Variants in PTPRQ observed in about 807,000 individuals in gnomAD.
The protein encoded by PTPRQ is protein tyrosine phosphatase receptor type Q.
A neutral mutation model predicts 246.0 loss-of-function variants in PTPRQ; 199 were observed. The observed-to-expected ratio is 0.81, with a 90% CI of 0.72 to 0.91. PTPRQ has a LOEUF of 0.91. Ranked by LOEUF, PTPRQ falls within the 40% of genes least tolerant of loss-of-function variation. PTPRQ has a pLI of 0.00. For missense variants in PTPRQ, 2,624 were observed against 2,528.4 expected, an observed-to-expected ratio of 1.04 and a Z score of -0.81; for synonymous variants, 869 against 853.2, an observed-to-expected ratio of 1.02 and a Z score of -0.32.
Position 80,680,085 on chromosome 12 carries a change from A to G in PTPRQ, c.*1062A>G, listed in dbSNP as rs148584604. 3.4e-3 allele frequency: 519 copies of G among 151,974 alleles called. 3 individuals carry two copies. The highest frequency in any genetic ancestry group is 0.012 in the African/African-American group (491 of 41,518). 9.4% of individuals were successfully genotyped at this position (151,974 alleles called of 1,614,324 possible). A position where few individuals can be genotyped will look rare whatever the true frequency, so the allele number is the denominator to read the frequency against. On this transcript the variant is annotated 3_prime_UTR_variant, in exon 45 of 45. Transcript: ENST00000644991. The stretch of plus-strand genomic sequence containing the variant: ...CTTTATAGAAAATCTTTCAGCCTCC[A>G]TCTTATTAAATAGTGACAATGTGGT...
At chr12:80,461,968 C>G (rs747931060) in intron 6 of PTPRQ, 1 of 668,980 alleles carries the variant, frequency 1.5e-6, no homozygotes, top group South Asian at 1.6e-5. Flanking sequence ...GCATTTTCAT[C>G]TAAGGTACCC....
chr12:80,450,511 G>T (rs1425327357), intron 3 of PTPRQ, among the ~76,000 whole-genome samples: 1 of 151,996 alleles, frequency 6.6e-6, no homozygotes, highest in Non-Finnish European at 1.5e-5. Flanking sequence ...ATTGGCTGTG[G>T]GTTTGTCATA....
At chr12:80,514,637 T>C (rs1322001756) in intron 17 of PTPRQ, among the ~76,000 whole-genome samples, 1 of 143,822 alleles carries the variant, frequency 7.0e-6, no homozygotes, top group Non-Finnish European at 1.5e-5. Flanking sequence ...TTTAAATATA[T>C]TTGTATATTT....
At chr12:80,668,074 C>T (rs1488573788) in intron 39 of PTPRQ, among the ~76,000 whole-genome samples, 1 of 151,972 alleles carries the variant, frequency 6.6e-6, no homozygotes, top group Non-Finnish European at 1.5e-5. Flanking sequence ...TATTCTCTGA[C>T]TACTGAGACA....
At chr12:80,596,512 A>G (rs1286363250) in intron 26 of PTPRQ, among the ~76,000 whole-genome samples, 2 of 151,964 alleles carry the variant, frequency 1.3e-5, no homozygotes, top group Non-Finnish European at 2.9e-5. Flanking sequence ...GCTTAGCTGT[A>G]TTTTATCTTT....
chr12:80,657,368 A>G (rs1379358717), intron 38 of PTPRQ, among the ~76,000 whole-genome samples: 1 of 151,890 alleles, frequency 6.6e-6, no homozygotes, highest in African/African-American at 2.4e-5. Flanking sequence ...AAGAGAAAAC[A>G]GAATTTTTCA....
At chr12:80,631,377 C>G (rs902548519) in intron 33 of PTPRQ, among the ~76,000 whole-genome samples, 1 of 151,972 alleles carries the variant, frequency 6.6e-6, no homozygotes, top group African/African-American at 2.4e-5. Context: ...AAAAAAAAAT[C>G]AGTATTTTTG....
chr12:80,602,530 C>A (rs1020207234), intron 26 of PTPRQ, among the ~76,000 whole-genome samples: 4 of 151,694 alleles, frequency 2.6e-5, no homozygotes, highest in African/African-American at 9.7e-5. Context: ...GGGTTGCACC[C>A]TCTGGAGGGG....
At chr12:80,469,782 A>G (rs1414494283) in intron 7 of PTPRQ, among the ~76,000 whole-genome samples, 1 of 152,212 alleles carries the variant, frequency 6.6e-6, no homozygotes, top group African/African-American at 2.4e-5. Flanking sequence ...ATGGATACAC[A>G]GCTACATCTT....
At chr12:80,652,645 A>AT in intron 37 of PTPRQ, 99 bp from the exon 38 acceptor site, 5 of 1,241,804 alleles carry the variant, frequency 4.0e-6, no homozygotes, top group Non-Finnish European at 4.2e-6. Context: ...TAATTTAAAA[A>AT]TTAAAAAAAA....
chr12:80,676,593 G>GACTGCGCCATTGC (rs1901151438), intron 43 of PTPRQ, among the ~76,000 whole-genome samples: 1 of 152,274 alleles, frequency 6.6e-6, no homozygotes, highest in African/African-American at 2.4e-5. Context: ...AGTGAGCCAA[G>GACTGCGCCATTGC]ACTGCGCCAT....
chr12:80,579,334 T>C (rs575277462), intron 25 of PTPRQ, among the ~76,000 whole-genome samples: 1 of 152,304 alleles, frequency 6.6e-6, no homozygotes, highest in African/African-American at 2.4e-5. Context: ...TTTTTTCTTA[T>C]GACTGCCTTA....
rs781152378 is a variant in PTPRQ at position 80,496,139 on chromosome 12, A to C, written c.1990+33A>C. The C allele has an allele frequency of 1.6e-5, 24 of 1,543,438 alleles. No individual in the cohort carries two copies. The East Asian group carries it at 4.9e-4, about 31-fold the overall frequency. The stretch of plus-strand genomic sequence containing the variant: ...TATCAATTGCAGCTTTAATTTTTTT[A>C]AAAAAGTGGTTGTAAATGCTCACTG... On this transcript the variant is annotated intron_variant, in intron 13 of 44. Transcript: ENST00000644991.
Position 80,541,838 on chromosome 12 carries a change from A to G in PTPRQ, c.3438A>G (p.Glu1146=). ...TYTAQLYIKT[E]EDVPETSPII... Reference sequence around the variant, plus strand: ...CTGCCCAGCTATACATCAAGACTGAAGAAGATGGTAGGCTAGACCCTTTTA... The same window carrying G: ...CTGCCCAGCTATACATCAAGACTGAGGAAGATGGTAGGCTAGACCCTTTTA... The change falls in exon 21 of 45, where the codon GAA becomes GAG. Residue 1146 remains glutamate, a synonymous_variant. Coordinates refer to ENST00000644991, the MANE Select transcript of PTPRQ (RefSeq NM_001145026.2). 6.5e-7 allele frequency: 1 copy of G among 1,539,526 alleles called. No homozygotes were observed. The highest frequency in any genetic ancestry group is 8.8e-7 in the Non-Finnish European group (1 of 1,142,354).
rs1023377860 is a variant in PTPRQ, at chr12:80,603,414, G to A, written c.4610-1645G>A. ...AAGAATAAACTCCAAATTCTTTAAC[G>A]TAACAATCAGGTACTCTCTAGCTTA... On this transcript the variant is annotated intron_variant, in intron 26 of 44. Transcript: ENST00000644991. Among the ~76,000 whole-genome samples, 9 of 151,686 alleles carry A rather than the reference G, an allele frequency of 5.9e-5. No individual in the cohort carries two copies. In the South Asian group the frequency reaches 6.2e-4, roughly 11 times the overall value.
rs765183343 is a variant in PTPRQ at position 80,628,209 on chromosome 12, AT to A, written c.5687-3982del. On this transcript the variant is annotated intron_variant, in intron 33 of 44. Coordinates refer to ENST00000644991, the MANE Select transcript of PTPRQ (RefSeq NM_001145026.2). ...CGTTCGTATTTTAATGTATAAAAAAATGTACCTAAAATACTTTAGGTGATAC... is the reference window on the plus strand; with the variant it reads ...CGTTCGTATTTTAATGTATAAAAAAAGTACCTAAAATACTTTAGGTGATAC... Among the ~76,000 whole-genome samples, 13 of 152,268 alleles carry A rather than the reference AT, an allele frequency of 8.5e-5. No homozygotes were observed. In the South Asian group the frequency reaches 1.7e-3, roughly 19 times the overall value.
intron 8 of PTPRQ, among the ~76,000 whole-genome samples, chr12:80,483,383 G>T (rs1331459741): frequency 2.7e-5 from 3 of 112,520 alleles, no homozygotes; most frequent in South Asian, 7.7e-4. Context: ...TTGTGGGGTG[G>T]GGGGAGGGGG....
intron 25 of PTPRQ, among the ~76,000 whole-genome samples, chr12:80,585,107 A>G (rs1897568284): frequency 6.6e-6 from 1 of 152,014 alleles, no homozygotes; most frequent in Admixed American, 6.6e-5. Flanking sequence ...TCAAGCTTCT[A>G]TCTAGTATTT....
In PTPRQ at chr12:80,484,888, T is replaced by G. The variant is rs60419022; in HGVS notation, c.1359+283T>G. 0.012 allele frequency among the ~76,000 whole-genome samples: 1,861 copies of G among 152,262 alleles called. 45 individuals are homozygous for G. Among genetic ancestry groups the G allele is most frequent in the African/African-American group, 0.042 (1,734 of 41,536 alleles). Reference sequence around the variant, plus strand: ...CATAAGTTAATATTATTTTTCTAAATTAGTTAATGAATTGTTCGGAAACTC... The same window carrying G: ...CATAAGTTAATATTATTTTTCTAAAGTAGTTAATGAATTGTTCGGAAACTC... On this transcript the variant is annotated intron_variant, in intron 9 of 44. Transcript: ENST00000644991.
Sources: allele counts gnomAD v4.1 joint callset (sites outside exome capture counted in the v4.1 genomes callset), GRCh38; gene constraint gnomAD v4.1.1; transcripts MANE v1.5; gene names NCBI Gene and HGNC (gene_info 2026-07-23, HGNC 2026-07-21).